Variants in MYO5B observed in about 807,000 individuals in gnomAD.
The protein encoded by MYO5B is myosin VB, also known as unconventional myosin-Vb.
MYO5B carries 143 observed loss-of-function variants against 229.3 expected under a neutral mutation model. That is an observed-to-expected ratio of 0.62 (90% CI 0.54 to 0.72). MYO5B has a LOEUF of 0.72. Ranked by LOEUF, MYO5B falls within the 30% of genes least tolerant of loss-of-function variation. The pLI is 0.00. For synonymous variants in MYO5B, 918 were observed against 885.2 expected, an observed-to-expected ratio of 1.04 and a Z score of -0.66; for missense variants, 2,321 against 2,331.0, an observed-to-expected ratio of 1.00 and a Z score of 0.09.
At chr18:50,041,348 T>C (rs1409672873) in intron 2 of MYO5B, among the ~76,000 whole-genome samples, 1 of 152,178 alleles carries the variant, frequency 6.6e-6, no homozygotes, top group Non-Finnish European at 1.5e-5. Context: ...TAATAGTCAA[T>C]TTTCAAGATA....
chr18:50,120,985 G>C (rs2032049466), intron 1 of MYO5B, among the ~76,000 whole-genome samples: 1 of 152,174 alleles, frequency 6.6e-6, no homozygotes, highest in South Asian at 2.1e-4. Context: ...TCCAGCCCGG[G>C]AGTCAGCAAG....
At chr18:50,138,820 G>C (rs934886655) in intron 1 of MYO5B, among the ~76,000 whole-genome samples, 1 of 152,154 alleles carries the variant, frequency 6.6e-6, no homozygotes, top group African/African-American at 2.4e-5. Flanking sequence ...CCATGTATTT[G>C]CTTAAGTACC....
intron 2 of MYO5B, among the ~76,000 whole-genome samples, chr18:50,048,777 C>G (rs941078931): frequency 1.3e-5 from 2 of 152,084 alleles, no homozygotes; most frequent in Non-Finnish European, 2.9e-5. Flanking sequence ...AATCCCAGCA[C>G]TTTGGGAGGC....
chr18:49,895,338 C>G (rs1031317783), intron 21 of MYO5B, among the ~76,000 whole-genome samples, 164 bp from the exon 22 acceptor site: 4 of 152,152 alleles, frequency 2.6e-5, no homozygotes, highest in Non-Finnish European at 1.5e-5. Flanking sequence ...ATCTCCCTAA[C>G]AAAACACTAA....
intron 25 of MYO5B, among the ~76,000 whole-genome samples, chr18:49,876,976 T>C (rs1420271486): frequency 6.6e-6 from 1 of 152,256 alleles, no homozygotes; most frequent in Non-Finnish European, 1.5e-5. Flanking sequence ...CTCTGTCAGA[T>C]GAGGGCAAGG....
chr18:50,039,433 G>A (rs2029937204), intron 3 of MYO5B, among the ~76,000 whole-genome samples: 1 of 152,124 alleles, frequency 6.6e-6, no homozygotes, highest in Admixed American at 6.5e-5. Context: ...CCCGGTTCAA[G>A]CGATTCTCCT....
At chr18:50,033,063 G>A (rs868595990) in intron 4 of MYO5B, among the ~76,000 whole-genome samples, 2 of 151,984 alleles carry the variant, frequency 1.3e-5, no homozygotes, top group South Asian at 4.1e-4. Flanking sequence ...GGGGATTTTT[G>A]TTTTACTTTT....
intron 1 of MYO5B, among the ~76,000 whole-genome samples, chr18:50,188,718 C>T (rs993119099): frequency 4.2e-5 from 6 of 141,896 alleles, no homozygotes; most frequent in Admixed American, 7.5e-5. Flanking sequence ...ACCCAGGAGG[C>T]AGAGGTTGCA....
chr18:50,066,100 A>T (rs2030813130), intron 1 of MYO5B, among the ~76,000 whole-genome samples: 1 of 152,182 alleles, frequency 6.6e-6, no homozygotes, highest in Non-Finnish European at 1.5e-5. Context: ...CTACACATGG[A>T]TTTCAAACAT....
chr18:50,084,600 C>T (rs1488220672), intron 1 of MYO5B, among the ~76,000 whole-genome samples: 1 of 152,154 alleles, frequency 6.6e-6, no homozygotes, highest in Admixed American at 6.6e-5. Context: ...GAGCCCGCAT[C>T]GCCATGTCAA....
At chr18:49,888,438 T>C (rs2024670959) in intron 22 of MYO5B, among the ~76,000 whole-genome samples, 1 of 152,040 alleles carries the variant, frequency 6.6e-6, no homozygotes, top group Non-Finnish European at 1.5e-5. Flanking sequence ...GGATTAGGCC[T>C]GCAAGTGGGA....
Position 50,117,673 on chromosome 18 carries a change from C to T in MYO5B, c.28-62295G>A, listed in dbSNP as rs138312934. ...GGCCATTATTCTCTATCCATAGGTA[C>T]CAGCAATTCCCAGCACAGCAGGAGA... On this transcript the variant is annotated intron_variant, in intron 1 of 39. Coordinates refer to ENST00000285039, the MANE Select transcript of MYO5B (RefSeq NM_001080467.3). Among the ~76,000 whole-genome samples the T allele has an allele frequency of 1.0e-3, 157 of 152,100 alleles. 2 individuals are homozygous for T. The East Asian group carries it at 0.021, about 20-fold the overall frequency.
chr18:49,976,746 C>A (rs563367803), intron 9 of MYO5B, among the ~76,000 whole-genome samples: 2 of 152,256 alleles, frequency 1.3e-5, no homozygotes, highest in East Asian at 1.9e-4. Context: ...TCACACTCAG[C>A]AGAGAGTTTC....
rs1247111618 is a variant in MYO5B, at chr18:49,823,847, A to C, written c.*2624T>G. 6.5e-6 allele frequency: 1 copy of C among 152,676 alleles called. No homozygotes were observed. The highest frequency in any genetic ancestry group is 1.5e-5 in the Non-Finnish European group (1 of 68,050). The allele number at this position is 152,676 out of a possible 1,614,324, so 9.5% of individuals were successfully genotyped here. A position where few individuals can be genotyped will look rare whatever the true frequency, so the allele number is the denominator to read the frequency against. ...AAACAGGTCCCGTATAATACTTAAA[A>C]CACAAGTTTTGATCTATAAATATTT... On this transcript the variant is annotated 3_prime_UTR_variant, in exon 40 of 40. Transcript: ENST00000285039.
In MYO5B at chr18:49,902,665, C is replaced by A; in HGVS notation, c.2740G>T (p.Glu914Ter). Residue 914 changes from glutamate (E) to a stop codon, truncating the protein, a stop_gained, in exon 21 of 40, where the codon GAG (glutamate) becomes TAG (stop). Transcript: ENST00000285039. LOFTEE classifies it high-confidence loss of function. ...KALRIEARSA[E>*]HLKRLNVGME... ...CCCACGTTGAGACGTTTCAGATGCT[C>A]TGCTGAGCGGGCCTCAATCCTGAGG... 1.2e-6 allele frequency: 2 copies of A among 1,613,308 alleles called. No individual in the cohort carries two copies. The highest frequency in any genetic ancestry group is 2.7e-5 in the African/African-American group (2 of 75,060).
At chr18:49,846,974 G>C (rs1288401050) in intron 33 of MYO5B, among the ~76,000 whole-genome samples, 172 bp downstream of exon 33, 1 of 150,652 alleles carries the variant, frequency 6.6e-6, no homozygotes, top group Non-Finnish European at 1.5e-5. Flanking sequence ...GGGAGGATGA[G>C]AGTAGGTGTG....
At chr18:50,029,412 G>C (rs1293707829) in intron 4 of MYO5B, among the ~76,000 whole-genome samples, 10 of 152,198 alleles carry the variant, frequency 6.6e-5, no homozygotes, top group African/African-American at 2.2e-4. Context: ...CCTGTGTTCA[G>C]ACATTTTAAG....
rs955089734 is a variant in MYO5B at position 49,836,869 on chromosome 18, G to A, written c.5155C>T (p.Leu1719Phe). The change falls in exon 38 of 40, where the codon CTT becomes TTT. Residue 1719 changes from leucine to phenylalanine, a missense_variant. Physicochemically the swap from Leu to Phe is conservative, Grantham distance 22. Transcript: ENST00000285039. ...GMQLRYNISQ[L>F]EEWLRGRNLH... is the part of the protein sequence containing the mutation. ...TTTCTTCCCCGAAGCCACTCCTCAA[G>A]CTGACTTATATTGTACCTTAGCCAT... 1.9e-6 allele frequency: 3 copies of A among 1,613,920 alleles called. No individual in the cohort carries two copies. The highest frequency in any genetic ancestry group is 2.5e-6 in the Non-Finnish European group (3 of 1,179,938).
chr18:50,188,492 C>T (rs1431605769), intron 1 of MYO5B, among the ~76,000 whole-genome samples: 1 of 152,124 alleles, frequency 6.6e-6, no homozygotes, highest in Non-Finnish European at 1.5e-5. Context: ...CTGGTATGGC[C>T]TCTGTTCTCC....
Sources: allele counts gnomAD v4.1 joint callset (sites outside exome capture counted in the v4.1 genomes callset), GRCh38; gene constraint gnomAD v4.1.1; transcripts MANE v1.5; gene names NCBI Gene and HGNC (gene_info 2026-07-23, HGNC 2026-07-21).